SURF6: variants seen among roughly 807,000 people sequenced by gnomAD.
SURF6 encodes the protein surfeit 6.
Under a neutral mutation model 37.5 loss-of-function variants are expected in SURF6, and 28 were observed. That is an observed-to-expected ratio of 0.75 (90% confidence interval 0.55 to 1.02). SURF6 has a LOEUF of 1.02. SURF6 is among the 50% of genes least tolerant of loss of function. SURF6 has a pLI of 0.00. For synonymous variants in SURF6, 248 were observed against 210.9 expected (o/e 1.18, Z -1.52); for missense variants, 560 against 490.5 (o/e 1.14, Z -1.34).
chr9:133,329,593 G>A lies in SURF6; in HGVS notation c.*2276C>T, dbSNP rs2129903411. On this transcript the variant is annotated 3_prime_UTR_variant, in exon 5 of 5. Transcript: ENST00000372022. Reference sequence around the variant, plus strand: ...ACTCTTGTCTTCTGGTCACACCTATGTCCCCTCAGCTCCTATCTCTGTATG... The same window carrying A: ...ACTCTTGTCTTCTGGTCACACCTATATCCCCTCAGCTCCTATCTCTGTATG... The A allele has an allele frequency of 6.3e-6, 1 of 157,832 alleles. No individual in the cohort carries two copies. Among genetic ancestry groups the A allele is most frequent in the East Asian group, 1.8e-4 (1 of 5,428 alleles). 9.8% of individuals were successfully genotyped at this position (157,832 alleles called of 1,614,324 possible). A position where few individuals can be genotyped will look rare whatever the true frequency, so the allele number is the denominator to read the frequency against.
rs1477182618 is a variant in SURF6, at chr9:133,333,700, G to A, written c.393+18C>T. 1 of 1,612,108 alleles carries A rather than the reference G, an allele frequency of 6.2e-7. No individual in the cohort carries two copies. Among genetic ancestry groups the A allele is most frequent in the Non-Finnish European group, 8.5e-7 (1 of 1,178,836 alleles). On this transcript the variant is annotated intron_variant, in intron 3 of 4. Transcript: ENST00000372022. ...CAGGCAGAGCAGTGACGGCACTCCA[G>A]CAAACCTGCCCGCCTACCTGGCCCC...
rs2129909216 is a variant in SURF6, at chr9:133,331,232, G to A, written c.*637C>T. 4 of 152,202 alleles carry A rather than the reference G, an allele frequency of 2.6e-5. No homozygotes were observed. The highest frequency in any genetic ancestry group is 5.9e-5 in the Non-Finnish European group (4 of 68,064). 9.4% of individuals were successfully genotyped at this position (152,202 alleles called of 1,614,324 possible). A position where few individuals can be genotyped will look rare whatever the true frequency, so the allele number is the denominator to read the frequency against. On this transcript the variant is annotated 3_prime_UTR_variant, in exon 5 of 5. Transcript: ENST00000372022. ...GACCCAACTCACATGCGTGGACTCCGGGAAGGTACTGCTCCCTCCCTCCAA... is the reference window on the plus strand; with the variant it reads ...GACCCAACTCACATGCGTGGACTCCAGGAAGGTACTGCTCCCTCCCTCCAA...
At chr9:133,335,243 G>A (rs1456046116) in intron 1 of SURF6, among the ~76,000 whole-genome samples, 2 of 151,990 alleles carry the variant, frequency 1.3e-5, no homozygotes, top group Admixed American at 1.3e-4. Context: ...CAGGCATGAG[G>A]CCGCACGGCC....
Position 133,332,198 on chromosome 9 carries a change from G to T in SURF6, c.757C>A (p.Leu253Met), listed in dbSNP as rs2129916150. 2 of 1,608,806 alleles carry T rather than the reference G, an allele frequency of 1.2e-6. No homozygotes were observed. Among genetic ancestry groups the T allele is most frequent in the Non-Finnish European group, 1.7e-6 (2 of 1,179,930 alleles). ...LQARQSRLDE[L>M]RGQDEGKAQE... ...GCCTTCCCCTCATCCTGGCCGCGCA[G>T]CTCGTCCAGCCGGCTCTGCCGTGCC... is the stretch of plus-strand genomic sequence containing the variant. Residue 253 changes from leucine to methionine, a missense_variant, in exon 5 of 5, where the codon CTG (leucine) becomes ATG (methionine). Transcript: ENST00000372022.
rs2129914482 is a variant in SURF6, at chr9:133,332,052, C to G, written c.903G>C (p.Ala301=). ...GCTTCTCCCACCGGCGCTGCCGCTG[C>G]GCCCTGCGCTTCTCCTTGCGCTTCA... The part of the protein sequence containing the change: ...EALKRKEKRR[A]QRQRRWEKRT... The change falls in exon 5 of 5, where the codon GCG becomes GCC. Residue 301 remains alanine, a synonymous_variant. Coordinates refer to ENST00000372022, the MANE Select transcript of SURF6 (RefSeq NM_006753.6). 2 of 1,604,530 alleles carry G rather than the reference C, an allele frequency of 1.2e-6. No individual in the cohort carries two copies. Among genetic ancestry groups the G allele is most frequent in the Admixed American group, 3.3e-5 (2 of 59,964 alleles).
intron 4 of SURF6, 28 bp downstream of exon 4, chr9:133,332,520 C>T: frequency 6.3e-7 from 1 of 1,599,432 alleles, no homozygotes; most frequent in Non-Finnish European, 8.5e-7. Context: ...GCCGACCCAG[C>T]CCGCCCAAGG....
rs201264112 is a variant in SURF6 at position 133,334,564 on chromosome 9, T to G, written c.132A>C (p.Pro44=). The G allele has an allele frequency of 1.2e-5, 20 of 1,612,408 alleles. No individual in the cohort carries two copies. In the African/African-American group the frequency reaches 2.1e-4, roughly 17 times the overall value. ...KTQGSETAGP[P]KKKRKKTQKK... Reference sequence around the variant, plus strand: ...TTTGTGTTTTCTTCCTTTTCTTTTTTGGGGGCCCTGCAGTTTCTGAGCCTT... The same window carrying G: ...TTTGTGTTTTCTTCCTTTTCTTTTTGGGGGGCCCTGCAGTTTCTGAGCCTT... Residue 44 remains proline, a synonymous_variant, in exon 2 of 5, where the codon CCA becomes CCC. Transcript: ENST00000372022.
chr9:133,334,406 G>A lies in SURF6; in HGVS notation c.290C>T (p.Ala97Val), dbSNP rs2129927061. 1 of 1,613,104 alleles carries A rather than the reference G, an allele frequency of 6.2e-7. No individual in the cohort carries two copies. Among genetic ancestry groups the A allele is most frequent in the Admixed American group, 1.7e-5 (1 of 59,974 alleles). Residue 97 changes from alanine (A) to valine (V), a missense_variant, in exon 2 of 5, where the codon GCA becomes GTA. Coordinates refer to ENST00000372022, the MANE Select transcript of SURF6 (RefSeq NM_006753.6). ...AAGCCTCTCACCTGCAGGGTTCCCTGCTGAGCTGGAAGCCCAAGCTGCTTC... is the reference window on the plus strand; with the variant it reads ...AAGCCTCTCACCTGCAGGGTTCCCTACTGAGCTGGAAGCCCAAGCTGCTTC... ...KEEAAWASSS[A>V]GNPADGLATE...
chr9:133,335,740 G>C (rs1288592388), intron 1 of SURF6, among the ~76,000 whole-genome samples: 1 of 151,872 alleles, frequency 6.6e-6, no homozygotes, highest in African/African-American at 2.4e-5. Flanking sequence ...GCTGGGCGTG[G>C]TGGCGGGCGC....
intron 4 of SURF6, 37 bp downstream of exon 4, chr9:133,332,511 C>G: frequency 6.3e-7 from 1 of 1,596,156 alleles, no homozygotes; most frequent in Non-Finnish European, 8.5e-7. Context: ...AGGCCTGAAG[C>G]CGACCCAGCC....
In SURF6 at chr9:133,332,321, T is replaced by C; in HGVS notation, c.634A>G (p.Ser212Gly). The change falls in exon 5 of 5, where the codon AGC becomes GGC. Residue 212 changes from serine (S) to glycine (G), a missense_variant. Ser to Gly is a moderately conservative substitution (Grantham distance 56). Coordinates refer to ENST00000372022, the MANE Select transcript of SURF6 (RefSeq NM_006753.6). The part of the protein sequence containing the change: ...KVEVSEDEPA[S>G]KAQRRKEKRQ... ...TTCTCTTTTCTGCGCTGCGCCTTGC[T>C]GGCCGGCTCGTCTTCGCTCACCTCC... is the stretch of plus-strand genomic sequence containing the variant. 1 of 1,588,322 alleles carries C rather than the reference T, an allele frequency of 6.3e-7. No homozygotes were observed. The highest frequency in any genetic ancestry group is 8.5e-7 in the Non-Finnish European group (1 of 1,169,658).
rs182181239 is a variant in SURF6 at position 133,328,815 on chromosome 9, A to C, written c.*3054T>G. The C allele has an allele frequency of 6.6e-6, 1 of 152,266 alleles. No individual in the cohort carries two copies. The highest frequency in any genetic ancestry group is 6.5e-5 in the Admixed American group (1 of 15,288). 9.4% of individuals were successfully genotyped at this position (152,266 alleles called of 1,614,324 possible). ...TGGTTTATTATTGTCTAAAATCTTG[A>C]CATTGGTATTTGTAGGGACCAGCCC... On this transcript the variant is annotated 3_prime_UTR_variant, in exon 5 of 5. Coordinates refer to ENST00000372022, the MANE Select transcript of SURF6 (RefSeq NM_006753.6).
Position 133,332,030 on chromosome 9 carries a change from T to A in SURF6, c.925A>T (p.Lys309Ter), listed in dbSNP as rs2129914115. 2.5e-6 allele frequency: 4 copies of A among 1,602,164 alleles called. No individual in the cohort carries two copies. The Admixed American group carries it at 6.7e-5, about 27-fold the overall frequency. ...TTCTCCACCACGCCGGCCGTGCGCT[T>A]CTCCCACCGGCGCTGCCGCTGCGCC... The part of the protein sequence containing the change: ...RRAQRQRRWE[K>*]RTAGVVEKMQ... Residue 309 changes from lysine (K) to a stop codon, truncating the protein, a stop_gained, in exon 5 of 5, where the codon AAG becomes TAG. Transcript: ENST00000372022. LOFTEE classifies it high-confidence loss of function.
chr9:133,333,631 C>G, intron 3 of SURF6, 87 bp downstream of exon 3: 3 of 1,258,122 alleles, frequency 2.4e-6, no homozygotes, highest in Non-Finnish European at 3.4e-6. Flanking sequence ...GAGGGGAGAA[C>G]AGGGGCTACG....
Position 133,332,168 on chromosome 9 carries a change from C to G in SURF6, c.787G>C (p.Glu263Gln). The change falls in exon 5 of 5, where the codon GAG (glutamate) becomes CAG (glutamine). Residue 263 changes from glutamate to glutamine, a missense_variant. Glu to Gln is a conservative substitution (Grantham distance 29). Coordinates refer to ENST00000372022, the MANE Select transcript of SURF6 (RefSeq NM_006753.6). ...GTCCACTTCATCTTCGCCTCCAGCTCCTGCGCCTTCCCCTCATCCTGGCCG... is the reference window on the plus strand; with the variant it reads ...GTCCACTTCATCTTCGCCTCCAGCTGCTGCGCCTTCCCCTCATCCTGGCCG... ...LRGQDEGKAQ[E>Q]LEAKMKWTNL... 6.2e-7 allele frequency: 1 copy of G among 1,610,474 alleles called. No homozygotes were observed. The highest frequency in any genetic ancestry group is 8.5e-7 in the Non-Finnish European group (1 of 1,179,922).
intron 3 of SURF6, 128 bp from the exon 4 acceptor site, chr9:133,332,888 G>C (rs985668610): frequency 1.3e-5 from 11 of 834,430 alleles, no homozygotes; most frequent in Middle Eastern, 3.7e-4. Context: ...AGGGGCCCGC[G>C]GAGTTCAATG....
At position 133,336,113 on chromosome 9, in the gene SURF6, T is replaced by G; in HGVS notation, c.20A>C (p.Lys7Thr). MASLLA[K>T]DAYLQSLAKK... ...GGCCAGGCTCTGCAGGTAGGCGTCC[T>G]TGGCGAGTAGAGAGGCCATGGCGGA... Residue 7 changes from lysine to threonine, a missense_variant, in exon 1 of 5, where the codon AAG becomes ACG. By Grantham distance (78) the Lys-to-Thr change is moderately conservative. Transcript: ENST00000372022. 1 of 1,612,582 alleles carries G rather than the reference T, an allele frequency of 6.2e-7. No individual in the cohort carries two copies. Among genetic ancestry groups the G allele is most frequent in the Non-Finnish European group, 8.5e-7 (1 of 1,179,768 alleles).
chr9:133,334,467 C>A lies in SURF6; in HGVS notation c.229G>T (p.Ala77Ser). Reference sequence around the variant, plus strand: ...GCCTCAGGCCTCCTGGCCCCAGAGGCTGCTGGAGATTTCTCCCCCAAGGAC... The same window carrying A: ...GCCTCAGGCCTCCTGGCCCCAGAGGATGCTGGAGATTTCTCCCCCAAGGAC... ...AKSLGEKSPA[A>S]SGARRPEAAK... The change falls in exon 2 of 5, where the codon GCC becomes TCC. Residue 77 changes from alanine (A) to serine (S), a missense_variant. By Grantham distance (99) the Ala-to-Ser change is moderately conservative. Coordinates refer to ENST00000372022, the MANE Select transcript of SURF6 (RefSeq NM_006753.6). The A allele has an allele frequency of 6.2e-7, 1 of 1,614,130 alleles. No homozygotes were observed. The highest frequency in any genetic ancestry group is 8.5e-7 in the Non-Finnish European group (1 of 1,180,050).
Position 133,330,628 on chromosome 9 carries a change from AGT to A in SURF6, c.*1239_*1240del, listed in dbSNP as rs2129907098. The A allele has an allele frequency of 2.8e-4, 43 of 151,850 alleles. No individual in the cohort carries two copies. The highest frequency in any genetic ancestry group is 9.9e-4 in the African/African-American group (41 of 41,370). 9.4% of individuals were successfully genotyped at this position (151,850 alleles called of 1,614,324 possible). On this transcript the variant is annotated 3_prime_UTR_variant, in exon 5 of 5. Transcript: ENST00000372022. ...TTCTTTAACTCATAGGTAATTTATA[AGT>A]GTGTTTTAAAAATTCCAAATATGAA...
Sources: gnomAD v4.1 joint callset for allele counts (sites outside exome capture counted in the v4.1 genomes callset) on GRCh38, gnomAD v4.1.1 for gene constraint, MANE v1.5 for transcripts, NCBI Gene and HGNC (gene_info 2026-07-23, HGNC 2026-07-21) for gene names.